Variants in TSPO observed in about 807,000 individuals in gnomAD.
TSPO encodes the protein benzodiazepine peripheral binding site.
TSPO carries 14 observed loss-of-function variants against 13.9 expected under a neutral mutation model. The ratio of observed to expected loss-of-function variants is 1.01; its 90% confidence interval spans 0.67 to 1.58. The LOEUF (loss-of-function observed/expected upper bound fraction) is 1.58, where lower values mean the gene tolerates loss of function less well. TSPO is among the 40% of genes most tolerant of loss of function. TSPO has a pLI of 0.00. For missense variants in TSPO, 232 were observed against 229.6 expected, an observed-to-expected ratio of 1.01 and a Z score of -0.07; for synonymous variants, 114 against 105.9, an observed-to-expected ratio of 1.08 and a Z score of -0.47.
chr22:43,155,572 C>G (rs1038930999), intron 1 of TSPO, among the ~76,000 whole-genome samples: 1 of 152,166 alleles, frequency 6.6e-6, no homozygotes, highest in Non-Finnish European at 1.5e-5. Context: ...GCTAGTGGCC[C>G]CACACTGATA....
chr22:43,162,703 T>C (rs1030017420), intron 3 of TSPO, 100 bp from the exon 4 acceptor site: 1 of 1,253,860 alleles, frequency 8.0e-7, no homozygotes, highest in African/African-American at 1.5e-5. Flanking sequence ...TGAGTGAGGC[T>C]CCTGACTCCC....
At chr22:43,156,813 G>A (rs897220995) in intron 1 of TSPO, among the ~76,000 whole-genome samples, 8 of 152,168 alleles carry the variant, frequency 5.3e-5, no homozygotes, top group African/African-American at 1.9e-4. Context: ...TTATGCTGGT[G>A]GTATTAACCT....
intron 1 of TSPO, among the ~76,000 whole-genome samples, chr22:43,153,021 C>G (rs1931126219): frequency 6.6e-6 from 1 of 151,298 alleles, no homozygotes; most frequent in African/African-American, 2.4e-5. Flanking sequence ...GTCCTTCCTT[C>G]CTCCCTCCCT....
Position 43,162,962 on chromosome 22 carries a change from TG to T in TSPO, c.483del (p.Trp161CysfsTer28). On this transcript the variant is annotated frameshift_variant, in exon 4 of 4. Transcript: ENST00000337554. LOFTEE classifies it high-confidence loss of function. ...NYCVWRDNHG[W>X]RGGRRLPE ...CTGCGTATGGCGGGACAACCATGGC[TG>T]GCGTGGGGGACGGCGGCTGCCAGAG... 6.3e-7 allele frequency: 1 copy of T among 1,593,956 alleles called. No individual in the cohort carries two copies. The highest frequency in any genetic ancestry group is 1.1e-5 in the South Asian group (1 of 88,314).
intron 1 of TSPO, among the ~76,000 whole-genome samples, chr22:43,153,134 C>A (rs1601752860): frequency 7.6e-6 from 1 of 131,612 alleles, no homozygotes; most frequent in South Asian, 2.5e-4. Flanking sequence ...TCTTTCTTCC[C>A]CTTCCTTCCT....
intron 1 of TSPO, among the ~76,000 whole-genome samples, chr22:43,157,297 G>A (rs1355289506): frequency 3.8e-5 from 5 of 131,004 alleles, no homozygotes; most frequent in African/African-American, 1.9e-4. Flanking sequence ...GCGGGGCGGG[G>A]CAGGAGGGAG....
At chr22:43,158,088 G>T (rs1931311744) in intron 1 of TSPO, among the ~76,000 whole-genome samples, 2 of 152,174 alleles carry the variant, frequency 1.3e-5, no homozygotes, top group South Asian at 4.1e-4. Context: ...GGCCAGATTT[G>T]CCCTTTGCCC....
intron 1 of TSPO, among the ~76,000 whole-genome samples, chr22:43,157,831 T>C (rs891185377): frequency 6.6e-6 from 1 of 152,218 alleles, no homozygotes; most frequent in Non-Finnish European, 1.5e-5. Context: ...AGCAAGACTC[T>C]GTCTCAAAAA....
chr22:43,159,622 T>C (rs993582449), intron 2 of TSPO: 2 of 503,146 alleles, frequency 4.0e-6, no homozygotes, highest in African/African-American at 4.0e-5. Flanking sequence ...GGGGGATGGG[T>C]CAGATGCTCA....
At chr22:43,154,173 T>A (rs1030689169) in intron 1 of TSPO, among the ~76,000 whole-genome samples, 2 of 151,994 alleles carry the variant, frequency 1.3e-5, no homozygotes, top group African/African-American at 2.4e-5. Context: ...AAGGTTACGA[T>A]GAGGACGATT....
At chr22:43,162,667 C>T (rs1931480217) in intron 3 of TSPO, 136 bp from the exon 4 acceptor site, 1 of 855,990 alleles carries the variant, frequency 1.2e-6, no homozygotes, top group Non-Finnish European at 1.8e-6. Flanking sequence ...GGGGCTTGGC[C>T]AGGTCACTCA....
intron 3 of TSPO, 117 bp from the exon 4 acceptor site, chr22:43,162,686 G>A: frequency 9.6e-7 from 1 of 1,038,468 alleles, no homozygotes; most frequent in Admixed American, 2.9e-5. Flanking sequence ...CAAGGGTGGA[G>A]TGGGGGTGAG....
rs1432704096 is a variant in TSPO at position 43,161,122 on chromosome 22, T to C, written c.253T>C (p.Tyr85His). The C allele has an allele frequency of 1.2e-6, 2 of 1,614,198 alleles. No individual in the cohort carries two copies. Among genetic ancestry groups the C allele is most frequent in the East Asian group, 2.2e-5 (1 of 44,890 alleles). ...GAAGGCTGTGGTTCCCCTGGGCCTC[T>C]ACACTGGGCAGCTGGCCCTGAACTG... ...TEKAVVPLGLYTGQLALNWAW... is the reference protein window; with the variant it reads ...TEKAVVPLGLHTGQLALNWAW... The change falls in exon 3 of 4, where the codon TAC (tyrosine) becomes CAC (histidine). Residue 85 changes from tyrosine to histidine, a missense_variant. Transcript: ENST00000337554.
intron 1 of TSPO, among the ~76,000 whole-genome samples, chr22:43,158,743 T>C (rs995222123): frequency 2.4e-4 from 36 of 152,310 alleles, no homozygotes; most frequent in African/African-American, 8.4e-4. Context: ...GTGATTTGCC[T>C]GAGGTCACAG....
intron 3 of TSPO, among the ~76,000 whole-genome samples, chr22:43,161,708 G>C (rs1200883408): frequency 6.6e-6 from 1 of 151,952 alleles, no homozygotes; most frequent in Non-Finnish European, 1.5e-5. Context: ...CACTATGTTG[G>C]CCAGGCTGGT....
intron 3 of TSPO, among the ~76,000 whole-genome samples, chr22:43,162,208 G>A (rs904444622): frequency 1.2e-4 from 18 of 151,548 alleles, no homozygotes; most frequent in African/African-American, 3.6e-4. Context: ...TGCAACCTCC[G>A]TCTCCCAGGT....
At position 43,159,262 on chromosome 22, in the gene TSPO, CAT is replaced by C; in HGVS notation, c.25_26del (p.Met9GlyfsTer188). On this transcript the variant is annotated frameshift_variant, in exon 2 of 4. Transcript: ENST00000337554. LOFTEE classifies it high-confidence loss of function. Reference protein sequence around the residue: MAPPWVPAMGFTLAPSLGC... With the variant: MAPPWVPAXGFTLAPSLGC... ...CCATGGCCCCGCCCTGGGTGCCCGC[CAT>C]GGGCTTCACGCTGGCGCCCAGCCTG... 1 of 1,559,978 alleles carries C rather than the reference CAT, an allele frequency of 6.4e-7. No homozygotes were observed. Among genetic ancestry groups the C allele is most frequent in the South Asian group, 1.2e-5 (1 of 84,500 alleles).
chr22:43,154,819 G>C (rs1931200221), intron 1 of TSPO, among the ~76,000 whole-genome samples: 1 of 152,120 alleles, frequency 6.6e-6, no homozygotes, highest in Non-Finnish European at 1.5e-5. Context: ...AGCCTCACAA[G>C]ACCTGGAGAC....
At position 43,159,169 on chromosome 22, in the gene TSPO, G is replaced by T. The variant is rs943162283; in HGVS notation, c.-29-41G>T. On this transcript the variant is annotated intron_variant, in intron 1 of 3. Transcript: ENST00000337554. ...GAGGAGACACGGGCCTGACCCCATG[G>T]CCTCAGGAATGCCCTCACCCAGCCC... 5 of 1,408,842 alleles carry T rather than the reference G, an allele frequency of 3.5e-6. No homozygotes were observed. The African/African-American group carries it at 5.8e-5, about 16-fold the overall frequency. 87.3% of individuals were successfully genotyped at this position (1,408,842 alleles called of 1,614,324 possible).
Sources: allele counts gnomAD v4.1 joint callset (sites outside exome capture counted in the v4.1 genomes callset), GRCh38; gene constraint gnomAD v4.1.1; transcripts MANE v1.5; gene names NCBI Gene and HGNC (gene_info 2026-07-23, HGNC 2026-07-21).